STAU2: variants seen among roughly 807,000 people sequenced by gnomAD.
STAU2 encodes double-stranded RNA-binding protein Staufen homolog 2.
In STAU2, 20 loss-of-function variants were observed where a neutral mutation model predicts 65.9. The observed-to-expected ratio is 0.30, with a 90% CI of 0.21 to 0.44. The LOEUF (loss-of-function observed/expected upper bound fraction) is 0.44. STAU2 is among the 20% of genes least tolerant of loss of function. STAU2 has a pLI of 1.00. For synonymous variants in STAU2, 232 were observed against 233.9 expected (o/e 0.99, Z 0.07); for missense variants, 558 against 683.9 (o/e 0.82, Z 2.05).
chr8:73,568,687 C>T (rs1037703035), intron 12 of STAU2, among the ~76,000 whole-genome samples: 1 of 152,062 alleles, frequency 6.6e-6, no homozygotes, highest in Non-Finnish European at 1.5e-5. Flanking sequence ...TGGAATAATA[C>T]CAAATTCATA....
chr8:73,670,509 C>G (rs1168447624), intron 6 of STAU2: 1 of 152,018 alleles, frequency 6.6e-6, no homozygotes, highest in Non-Finnish European at 1.5e-5. Context: ...ATATAGATGC[C>G]TCTCCCTTCC....
intron 13 of STAU2, among the ~76,000 whole-genome samples, chr8:73,462,886 T>C (rs978188242): frequency 1.3e-5 from 2 of 152,166 alleles, no homozygotes; most frequent in African/African-American, 2.4e-5. Context: ...CAGCAAAGAC[T>C]ATGGGATTCC....
At chr8:73,745,385 T>C (rs1429391737) in intron 1 of STAU2, among the ~76,000 whole-genome samples, 1 of 152,196 alleles carries the variant, frequency 6.6e-6, no homozygotes, top group Non-Finnish European at 1.5e-5. Context: ...ACAGTGTACT[T>C]GAATCATCTA....
chr8:73,652,587 T>G (rs1421486536), intron 6 of STAU2: 1 of 151,818 alleles, frequency 6.6e-6, no homozygotes, highest in Non-Finnish European at 1.5e-5. Context: ...CTGGCGGGCA[T>G]GCTGGCAGGC....
chr8:73,481,170 A>T (rs1213883735), intron 13 of STAU2, among the ~76,000 whole-genome samples: 1 of 151,966 alleles, frequency 6.6e-6, no homozygotes, highest in African/African-American at 2.4e-5. Context: ...CTGAGTGGGA[A>T]CCACTGTCTT....
intron 13 of STAU2, among the ~76,000 whole-genome samples, chr8:73,507,763 T>A (rs1222773068): frequency 6.6e-6 from 1 of 152,240 alleles, no homozygotes; most frequent in Non-Finnish European, 1.5e-5. Flanking sequence ...ACTGAAAACC[T>A]GTTTAGTGTA....
intron 6 of STAU2, among the ~76,000 whole-genome samples, chr8:73,625,605 A>G (rs1813579864): frequency 6.6e-6 from 1 of 152,204 alleles, no homozygotes; most frequent in Non-Finnish European, 1.5e-5. Flanking sequence ...GGAGTGATAG[A>G]TATGTTTTGA....
chr8:73,587,256 A>T (rs765682725), intron 11 of STAU2, among the ~76,000 whole-genome samples: 9 of 152,180 alleles, frequency 5.9e-5, no homozygotes, highest in Non-Finnish European at 1.2e-4. Context: ...TGGCAAATAT[A>T]AAAAAATTTC....
At chr8:73,721,076 T>A (rs1229252517) in intron 3 of STAU2, among the ~76,000 whole-genome samples, 1 of 144,162 alleles carries the variant, frequency 6.9e-6, no homozygotes, top group East Asian at 2.0e-4. Flanking sequence ...ACCCAGGAGT[T>A]CTAGACCAAC....
chr8:73,688,961 T>C, intron 4 of STAU2, 148 bp from the exon 5 acceptor site: 1 of 925,798 alleles, frequency 1.1e-6, no homozygotes, highest in Non-Finnish European at 1.6e-6. Context: ...AAAATCTTAC[T>C]CTACCTAGTG....
At chr8:73,654,577 C>T (rs1586201856) in intron 6 of STAU2, among the ~76,000 whole-genome samples, 1 of 127,752 alleles carries the variant, frequency 7.8e-6, no homozygotes, top group Non-Finnish European at 1.6e-5. Context: ...AAGGTCATGG[C>T]TGCACTGAGC....
intron 13 of STAU2, among the ~76,000 whole-genome samples, chr8:73,526,552 A>G (rs1189672481): frequency 8.5e-5 from 13 of 152,190 alleles, no homozygotes. Context: ...TAGTTAGGTA[A>G]GACTATTAGA....
chr8:73,719,726 T>C (rs1007878902), intron 3 of STAU2, among the ~76,000 whole-genome samples: 5 of 152,236 alleles, frequency 3.3e-5, no homozygotes, highest in African/African-American at 1.2e-4. Context: ...GCTGAAACTT[T>C]GTTTAGATTT....
intron 13 of STAU2, among the ~76,000 whole-genome samples, chr8:73,537,184 C>A (rs1470625094): frequency 6.6e-6 from 1 of 151,926 alleles, no homozygotes; most frequent in African/African-American, 2.4e-5. Flanking sequence ...GCTCCCCAAT[C>A]TGAAAAACAG....
At chr8:73,741,098 G>T (rs1806829415) in intron 1 of STAU2, among the ~76,000 whole-genome samples, 1 of 149,976 alleles carries the variant, frequency 6.7e-6, no homozygotes, top group Non-Finnish European at 1.5e-5. Context: ...GAGGTCAGGA[G>T]ATCGAGACCA....
At chr8:73,599,504 T>A (rs1811466569) in intron 10 of STAU2, among the ~76,000 whole-genome samples, 1 of 152,050 alleles carries the variant, frequency 6.6e-6, no homozygotes, top group Non-Finnish European at 1.5e-5. Context: ...TCATTTTACT[T>A]AAAAAAAAGT....
chr8:73,488,166 G>C (rs561902477), intron 13 of STAU2, among the ~76,000 whole-genome samples: 1 of 152,042 alleles, frequency 6.6e-6, no homozygotes, highest in Non-Finnish European at 1.5e-5. Flanking sequence ...CTCTTTTACA[G>C]AGTAGGAATT....
At chr8:73,585,867 C>T (rs1810331508) in intron 11 of STAU2, among the ~76,000 whole-genome samples, 1 of 152,188 alleles carries the variant, frequency 6.6e-6, no homozygotes, top group East Asian at 1.9e-4. Flanking sequence ...GGGTGGTTCC[C>T]TCATGTTGCT....
intron 13 of STAU2, among the ~76,000 whole-genome samples, chr8:73,508,307 G>T (rs960670329): frequency 6.6e-6 from 1 of 152,152 alleles, no homozygotes; most frequent in Admixed American, 6.5e-5. Context: ...CTGTTGTAGG[G>T]TTATTAATTG....
Sources: gnomAD v4.1 joint callset for allele counts (sites outside exome capture counted in the v4.1 genomes callset) on GRCh38, gnomAD v4.1.1 for gene constraint, MANE v1.5 for transcripts, NCBI Gene and HGNC (gene_info 2026-07-23, HGNC 2026-07-21) for gene names.